The following CSNK2A3 variants were observed in gnomAD, a reference collection of about 807,000 sequenced individuals.
The protein encoded by CSNK2A3 is casein kinase 2 alpha 3, also known as casein kinase II subunit alpha 3.
A neutral mutation model predicts 36.5 loss-of-function variants in CSNK2A3; 31 were observed. The ratio of observed to expected loss-of-function variants is 0.85; its 90% CI spans 0.64 to 1.15. CSNK2A3 has a LOEUF of 1.15. CSNK2A3 is among the 50% of genes most tolerant of loss of function. The pLI is 0.00. For synonymous variants in CSNK2A3, 152 were observed against 176.3 expected, an observed-to-expected ratio of 0.86 and a Z score of 1.09; for missense variants, 443 against 487.2, an observed-to-expected ratio of 0.91 and a Z score of 0.85.
At position 11,352,836 on chromosome 11, in the gene CSNK2A3, A is replaced by G. The variant is rs1249456476; in HGVS notation, c.284T>C (p.Ile95Thr). The change falls in exon 1 of 1, where the codon ATC (isoleucine) becomes ACC (threonine). Residue 95 changes from isoleucine to threonine, a missense_variant. Transcript: ENST00000528848. ...LENLRGGPNIITLADIVKDPV... is the reference protein window; with the variant it reads ...LENLRGGPNITTLADIVKDPV... ...GTCTTTTACAATGTCTGCCAGTGTG[A>G]TGATGTTGGGACCTCCTCTCAAATT... The G allele has an allele frequency of 9.3e-6, 15 of 1,614,064 alleles. No homozygotes were observed. Among genetic ancestry groups the G allele is most frequent in the Non-Finnish European group, 1.3e-5 (15 of 1,180,034 alleles).
In CSNK2A3 at chr11:11,352,394, C is replaced by A; in HGVS notation, c.726G>T (p.Leu242Phe). ...TCCCCAGAAACTTGGCTATCCTCAC[C>A]AACTGATCATAATTGTCACGTCCAT... is the stretch of plus-strand genomic sequence containing the variant. ...FFHGRDNYDQ[L>F]VRIAKFLGTE... The change falls in exon 1 of 1, where the codon TTG (leucine) becomes TTT (phenylalanine). Residue 242 changes from leucine to phenylalanine, a missense_variant. By Grantham distance (22) the Leu-to-Phe change is conservative. Transcript: ENST00000528848. The A allele has an allele frequency of 6.2e-7, 1 of 1,614,136 alleles. No homozygotes were observed. Among genetic ancestry groups the A allele is most frequent in the Non-Finnish European group, 8.5e-7 (1 of 1,180,024 alleles).
rs538728095 is a variant in CSNK2A3, at chr11:11,352,508, T to C, written c.612A>G (p.Val204=). The C allele has an allele frequency of 6.2e-7, 1 of 1,614,158 alleles. No homozygotes were observed. Among genetic ancestry groups the C allele is most frequent in the Admixed American group, 1.7e-5 (1 of 60,028 alleles). ...SRYFKGPELL[V]DYQMYDYSLD... ...AACTATAATCGTACATCTGATAGTC[T>C]ACAAGTAGCTCAGGACCTTTGAAGT... The change falls in exon 1 of 1, where the codon GTA becomes GTG. Residue 204 remains valine, a synonymous_variant. Transcript: ENST00000528848.
At chr11:11,352,981 G>A in the CSNK2A3 span, 53 of 1,613,762 alleles carry the variant, frequency 3.3e-5, no homozygotes, top group Middle Eastern at 1.6e-4. Flanking sequence ...TATTTACCTC[G>A]GCCTAATTTT....
Position 11,353,060 on chromosome 11 carries a change from A to T in CSNK2A3, c.60T>A (p.Pro20=). Residue 20 remains proline, a synonymous_variant, in exon 1 of 1, where the codon CCT becomes CCA. Coordinates refer to ENST00000528848, the MANE Select transcript of CSNK2A3 (RefSeq NM_001256686.2). The stretch of plus-strand genomic sequence containing the variant: ...GTGACTCGTAATCCCAGTATTCTCG[A>T]GGTCTGTGTGTATTAACATCTGTGT... ...RVYTDVNTHR[P]REYWDYESHV... 1.2e-6 allele frequency: 2 copies of T among 1,614,160 alleles called. No individual in the cohort carries two copies. The highest frequency in any genetic ancestry group is 1.7e-6 in the Non-Finnish European group (2 of 1,180,028).
Position 11,352,649 on chromosome 11 carries a change from G to A in CSNK2A3, c.471C>T (p.Val157=). ...GATCAATCATGACATTATGGGGCTT[G>A]ACATCTCTGTGCATAATTCCCATGC... ...CHSMGIMHRD[V]KPHNVMIDHE... Residue 157 remains valine (V), a synonymous_variant, in exon 1 of 1, where the codon GTC becomes GTT. Coordinates refer to ENST00000528848, the MANE Select transcript of CSNK2A3 (RefSeq NM_001256686.2). The A allele has an allele frequency of 6.2e-7, 1 of 1,614,172 alleles. No homozygotes were observed. Among genetic ancestry groups the A allele is most frequent in the Non-Finnish European group, 8.5e-7 (1 of 1,180,034 alleles).
chr11:11,352,184 C>T lies in CSNK2A3; in HGVS notation c.936G>A (p.Arg312=). The T allele has an allele frequency of 6.2e-7, 1 of 1,613,694 alleles. No homozygotes were observed. The highest frequency in any genetic ancestry group is 1.1e-5 in the South Asian group (1 of 90,990). ...GCTCCATGGCCTCTCTTGCAGTAAG[C>T]CGTGACTGGTGGTCATATCGCAGCA... The part of the protein sequence containing the change: ...DKLLRYDHQS[R]LTAREAMEHP... Residue 312 remains arginine, a synonymous_variant, in exon 1 of 1, where the codon CGG becomes CGA. Coordinates refer to ENST00000528848, the MANE Select transcript of CSNK2A3 (RefSeq NM_001256686.2).
In CSNK2A3 at chr11:11,353,082, G is replaced by T; in HGVS notation, c.38C>A (p.Thr13Lys). The T allele has an allele frequency of 1.9e-6, 3 of 1,614,168 alleles. No individual in the cohort carries two copies. The highest frequency in any genetic ancestry group is 1.7e-6 in the Non-Finnish European group (2 of 1,180,034). ...GPVPSRARVY[T>K]DVNTHRPREY... ...TCGAGGTCTGTGTGTATTAACATCT[G>T]TGTAAACTCTGGCCCTGCTTGGCAC... The change falls in exon 1 of 1, where the codon ACA becomes AAA. Residue 13 changes from threonine to lysine, a missense_variant. Coordinates refer to ENST00000528848, the MANE Select transcript of CSNK2A3 (RefSeq NM_001256686.2).
rs755996286 is a variant in CSNK2A3, at chr11:11,353,059, G to C, written c.61C>G (p.Arg21Gly). The change falls in exon 1 of 1, where the codon CGA becomes GGA. Residue 21 changes from arginine to glycine, a missense_variant. Transcript: ENST00000528848. ...TGTGACTCGTAATCCCAGTATTCTC[G>C]AGGTCTGTGTGTATTAACATCTGTG... The part of the protein sequence containing the change: ...VYTDVNTHRP[R>G]EYWDYESHVV... The C allele has an allele frequency of 6.2e-7, 1 of 1,614,012 alleles. No homozygotes were observed. Among genetic ancestry groups the C allele is most frequent in the Non-Finnish European group, 8.5e-7 (1 of 1,180,018 alleles).
chr11:11,352,335 T>C lies in CSNK2A3; in HGVS notation c.785A>G (p.Asn262Ser), dbSNP rs778326549. The C allele has an allele frequency of 5.6e-6, 9 of 1,614,128 alleles. No individual in the cohort carries two copies. Among genetic ancestry groups the C allele is most frequent in the Non-Finnish European group, 7.6e-6 (9 of 1,180,034 alleles). ...ATTGAAACGTGGATCTAATTCAATG[T>C]TGTATTTGTCAATATAGCCATATAA... The part of the protein sequence containing the change: ...EDLYGYIDKY[N>S]IELDPRFNDI... The change falls in exon 1 of 1, where the codon AAC (asparagine) becomes AGC (serine). Residue 262 changes from asparagine (N) to serine (S), a missense_variant. Coordinates refer to ENST00000528848, the MANE Select transcript of CSNK2A3 (RefSeq NM_001256686.2).
Position 11,352,997 on chromosome 11 carries a change from C to A in CSNK2A3, c.123G>T (p.Leu41=), listed in dbSNP as rs772765562. Residue 41 remains leucine (L), a synonymous_variant, in exon 1 of 1, where the codon CTG becomes CTT. Transcript: ENST00000528848. ...VEWGNQDDYQ[L]VRKLGRGKYS... is the part of the protein sequence containing the mutation. ...ATTTACCTCGGCCTAATTTTCGAAC[C>A]AGCTGGTAGTCATCTTGATTTCCCC... 3.1e-6 allele frequency: 5 copies of A among 1,614,014 alleles called. No individual in the cohort carries two copies. The highest frequency in any genetic ancestry group is 4.2e-6 in the Non-Finnish European group (5 of 1,180,036).
chr11:11,352,155 G>T lies in CSNK2A3; in HGVS notation c.965C>A (p.Pro322His). ...RLTAREAMEH[P>H]YFYTVVKDQA... Reference sequence around the variant, plus strand: ...GTCCTTCACAACAGTGTAGAAATAGGGGTGCTCCATGGCCTCTCTTGCAGT... The same window carrying T: ...GTCCTTCACAACAGTGTAGAAATAGTGGTGCTCCATGGCCTCTCTTGCAGT... Residue 322 changes from proline (P) to histidine (H), a missense_variant, in exon 1 of 1, where the codon CCC (proline) becomes CAC (histidine). Physicochemically the swap from Pro to His is moderately conservative, Grantham distance 77 (BLOSUM62 -2). Coordinates refer to ENST00000528848, the MANE Select transcript of CSNK2A3 (RefSeq NM_001256686.2). 6.2e-7 allele frequency: 1 copy of T among 1,613,532 alleles called. No homozygotes were observed. Among genetic ancestry groups the T allele is most frequent in the African/African-American group, 1.3e-5 (1 of 74,806 alleles).
chr11:11,352,278 C>T, the CSNK2A3 span: 1 of 1,614,058 alleles, frequency 6.2e-7, no homozygotes, highest in Non-Finnish European at 8.5e-7. Context: ...AAAGCGTTCC[C>T]ATCGCTTTCG....
At position 11,351,969 on chromosome 11, in the gene CSNK2A3, G is replaced by C. The variant is rs760116416; in HGVS notation, c.1151C>G (p.Pro384Arg). ...AAANPLGMPV[P>R]AATGAQQ ...TTACTGCTGAGCGCCAGTGGCAGCT[G>C]GAACAGGCATCCCAAGGGGGTTGGC... Residue 384 changes from proline (P) to arginine (R), a missense_variant, in exon 1 of 1, where the codon CCA (proline) becomes CGA (arginine). Pro to Arg is a moderately radical substitution (Grantham distance 103). Coordinates refer to ENST00000528848, the MANE Select transcript of CSNK2A3 (RefSeq NM_001256686.2). 61 of 1,607,112 alleles carry C rather than the reference G, an allele frequency of 3.8e-5. No individual in the cohort carries two copies. The African/African-American group carries it at 7.6e-4, about 20-fold the overall frequency.
Position 11,352,612 on chromosome 11 carries a change from T to C in CSNK2A3, c.508A>G (p.Lys170Glu), listed in dbSNP as rs1850436500. 6.2e-7 allele frequency: 1 copy of C among 1,614,176 alleles called. No homozygotes were observed. Among genetic ancestry groups the C allele is most frequent in the African/African-American group, 1.3e-5 (1 of 75,046 alleles). ...AAACCCCAGTCTATTAGTCGTAGCT[T>C]TCTGTGCTCATGATCAATCATGACA... ...HNVMIDHEHR[K>E]LRLIDWGLAE... Residue 170 changes from lysine (K) to glutamate (E), a missense_variant, in exon 1 of 1, where the codon AAG becomes GAG. Physicochemically the swap from Lys to Glu is moderately conservative, Grantham distance 56 (BLOSUM62 1). Coordinates refer to ENST00000528848, the MANE Select transcript of CSNK2A3 (RefSeq NM_001256686.2).
the CSNK2A3 span, chr11:11,352,720 G>A: frequency 2.6e-5 from 42 of 1,613,894 alleles, no homozygotes; most frequent in Middle Eastern, 1.6e-4. Flanking sequence ...ATGTAAAATC[G>A]AATATCATAG....
rs1455901182 is a variant in CSNK2A3, at chr11:11,352,267, C to A, written c.853G>T (p.Val285Phe). 8.7e-6 allele frequency: 14 copies of A among 1,614,094 alleles called. No homozygotes were observed. The highest frequency in any genetic ancestry group is 1.2e-5 in the Non-Finnish European group (14 of 1,180,020). The change falls in exon 1 of 1, where the codon GTC becomes TTC. Residue 285 changes from valine (V) to phenylalanine (F), a missense_variant. Transcript: ENST00000528848. ...RHSRKRWERF[V>F]HSENQHLVSP... ...ACAAGGTGCTGATTTTCACTGTGGA[C>A]AAAGCGTTCCCATCGCTTTCGAGAG...
rs183362208 is a variant in CSNK2A3, at chr11:11,352,740, G to A, written c.380C>T (p.Thr127Met). 7.4e-5 allele frequency: 120 copies of A among 1,614,080 alleles called. No homozygotes were observed. The African/African-American group carries it at 9.6e-4, about 13-fold the overall frequency. Residue 127 changes from threonine (T) to methionine (M), a missense_variant, in exon 1 of 1, where the codon ACG becomes ATG. Transcript: ENST00000528848. ...NNTDFKQLYQ[T>M]LTDYDIRFYM... is the part of the protein sequence containing the mutation. ...AAATCGAATATCATAGTCTGTTAACGTCTGGTACAATTGCTTGAAGTCTGT... is the reference window on the plus strand; with the variant it reads ...AAATCGAATATCATAGTCTGTTAACATCTGGTACAATTGCTTGAAGTCTGT...
chr11:11,352,936 T>C lies in CSNK2A3; in HGVS notation c.184A>G (p.Asn62Asp). 6.2e-7 allele frequency: 1 copy of C among 1,614,196 alleles called. No homozygotes were observed. Among genetic ancestry groups the C allele is most frequent in the Non-Finnish European group, 8.5e-7 (1 of 1,180,040 alleles). ...EVFEAINITN[N>D]EKVVVKILKP... is the part of the protein sequence containing the mutation. ...AGAATTTTAACAACAACTTTTTCAT[T>C]ATTTGTGATGTTGATGGCTTCAAAT... The change falls in exon 1 of 1, where the codon AAT becomes GAT. Residue 62 changes from asparagine to aspartate, a missense_variant. Coordinates refer to ENST00000528848, the MANE Select transcript of CSNK2A3 (RefSeq NM_001256686.2).
rs1850422886 is a variant in CSNK2A3 at position 11,352,169 on chromosome 11, C to G, written c.951G>C (p.Glu317Asp). Residue 317 changes from glutamate to aspartate, a missense_variant, in exon 1 of 1, where the codon GAG becomes GAC. Physicochemically the swap from Glu to Asp is conservative, Grantham distance 45. Transcript: ENST00000528848. ...TGTAGAAATAGGGGTGCTCCATGGCCTCTCTTGCAGTAAGCCGTGACTGGT... is the reference window on the plus strand; with the variant it reads ...TGTAGAAATAGGGGTGCTCCATGGCGTCTCTTGCAGTAAGCCGTGACTGGT... ...YDHQSRLTAR[E>D]AMEHPYFYTV... is the part of the protein sequence containing the mutation. 5.6e-6 allele frequency: 9 copies of G among 1,613,508 alleles called. No individual in the cohort carries two copies. In the African/African-American group the frequency reaches 8.0e-5, roughly 14 times the overall value.
Sources: gnomAD v4.1 joint callset for allele counts on GRCh38, gnomAD v4.1.1 for gene constraint, MANE v1.5 for transcripts, NCBI Gene and HGNC (gene_info 2026-07-23, HGNC 2026-07-21) for gene names.